Variants in CNTLN observed in about 807,000 individuals in gnomAD.
CNTLN encodes centlein, centrosomal protein.
Under a neutral mutation model 180.0 loss-of-function variants are expected in CNTLN, and 212 were observed. That is an observed-to-expected ratio of 1.18 (90% CI 1.05 to 1.32). The LOEUF (loss-of-function observed/expected upper bound fraction) is 1.32. Ranked by LOEUF, CNTLN falls within the 40% of genes most tolerant of loss-of-function variation. The pLI is 0.00. For missense variants in CNTLN, 2,095 were observed against 1,610.9 expected (o/e 1.30, Z -5.14); for synonymous variants, 722 against 563.1 (o/e 1.28, Z -3.99).
At chr9:17,374,755 G>T (rs1195047762) in intron 13 of CNTLN, among the ~76,000 whole-genome samples, 2 of 152,022 alleles carry the variant, frequency 1.3e-5, no homozygotes, top group African/African-American at 4.8e-5. Flanking sequence ...CAGTTACTTG[G>T]GAGGCTGAGA....
intron 15 of CNTLN, among the ~76,000 whole-genome samples, chr9:17,399,553 A>G (rs1383434825): frequency 6.6e-6 from 1 of 152,068 alleles, no homozygotes; most frequent in East Asian, 1.9e-4. Flanking sequence ...TGGCATTTGG[A>G]TCCTTTTAAA....
chr9:17,466,117 A>C lies in CNTLN; in HGVS notation c.3668A>C (p.Lys1223Thr), dbSNP rs754824811. The C allele has an allele frequency of 5.6e-6, 9 of 1,598,738 alleles. No individual in the cohort carries two copies. The highest frequency in any genetic ancestry group is 7.7e-6 in the Non-Finnish European group (9 of 1,170,958). Residue 1223 changes from lysine (K) to threonine (T), a missense_variant and splice_region_variant, in exon 22 of 26, where the codon AAG (lysine) becomes ACG (threonine). Transcript: ENST00000380647. The stretch of plus-strand genomic sequence containing the variant: ...AAATCTAAAGAGGAGTTAGAAAAAA[A>C]GGTATGCTTTTAAAAAGGGCATTTT... ...YQKSKEELEKKDLKLTLLVSR... is the reference protein window; with the variant it reads ...YQKSKEELEKTDLKLTLLVSR...
chr9:17,153,028 C>T (rs191772808), intron 2 of CNTLN, among the ~76,000 whole-genome samples: 2 of 152,214 alleles, frequency 1.3e-5, no homozygotes, highest in East Asian at 3.9e-4. Flanking sequence ...TCTTCCATCC[C>T]TGTATTTTGA....
At position 17,246,278 on chromosome 9, in the gene CNTLN, A is replaced by C. The variant is rs73646765; in HGVS notation, c.849+9690A>C. On this transcript the variant is annotated intron_variant, in intron 5 of 25. Coordinates refer to ENST00000380647, the MANE Select transcript of CNTLN (RefSeq NM_017738.4). ...ATTAGAGGGCACCGTAAGCCCCGTA[A>C]CACTGTGCCTCTTGTAGACTCATAG... is the stretch of plus-strand genomic sequence containing the variant. Among the ~76,000 whole-genome samples the C allele has an allele frequency of 4.7e-3, 718 of 152,270 alleles. 9 individuals are homozygous for C. Among genetic ancestry groups the C allele is most frequent in the African/African-American group, 0.016 (685 of 41,562 alleles).
intron 2 of CNTLN, among the ~76,000 whole-genome samples, chr9:17,173,777 A>T (rs976393016): frequency 5.3e-5 from 8 of 152,180 alleles, no homozygotes; most frequent in African/African-American, 1.9e-4. Flanking sequence ...TAAAAATTAA[A>T]CTTTTCATTT....
At chr9:17,253,274 A>G (rs1212284778) in intron 5 of CNTLN, among the ~76,000 whole-genome samples, 1 of 151,700 alleles carries the variant, frequency 6.6e-6, no homozygotes, top group African/African-American at 2.4e-5. Flanking sequence ...TTCCATATCA[A>G]TTTTAGAATT....
intron 12 of CNTLN, among the ~76,000 whole-genome samples, chr9:17,356,434 T>C (rs757591686): frequency 6.6e-6 from 1 of 152,208 alleles, no homozygotes; most frequent in Non-Finnish European, 1.5e-5. Flanking sequence ...TGGTCAATTA[T>C]ATTCCTCTTT....
intron 2 of CNTLN, among the ~76,000 whole-genome samples, chr9:17,169,246 C>CCT (rs561130667): frequency 9.2e-4 from 140 of 152,178 alleles, no homozygotes; most frequent in Non-Finnish European, 5.7e-4. Context: ...CATCCTCTTG[C>CCT]CTCAGCCTTA....
chr9:17,250,481 C>T (rs191117394), intron 5 of CNTLN, among the ~76,000 whole-genome samples: 142 of 151,826 alleles, frequency 9.4e-4, no homozygotes, highest in Non-Finnish European at 1.5e-3. Flanking sequence ...TGACACATTT[C>T]GATTTTGTTT....
chr9:17,416,862 A>G (rs1828292577), intron 18 of CNTLN, among the ~76,000 whole-genome samples: 1 of 151,890 alleles, frequency 6.6e-6, no homozygotes, highest in Non-Finnish European at 1.5e-5. Flanking sequence ...TTGTTAGAAA[A>G]TTATTTTGCA....
chr9:17,296,664 C>T (rs914997051), intron 6 of CNTLN, among the ~76,000 whole-genome samples: 5 of 151,942 alleles, frequency 3.3e-5, no homozygotes, highest in Admixed American at 6.6e-5. Context: ...GGTCTTTTTT[C>T]CCCTCCTCTT....
intron 25 of CNTLN, among the ~76,000 whole-genome samples, chr9:17,489,061 G>C (rs1300224599): frequency 1.1e-4 from 17 of 151,986 alleles, no homozygotes; most frequent in Admixed American, 1.1e-3. Context: ...AGAACAAATA[G>C]GTACTTCATT....
Position 17,487,051 on chromosome 9 carries a change from A to G in CNTLN, c.4104A>G (p.Lys1368=), listed in dbSNP as rs1416056696. 1.2e-6 allele frequency: 2 copies of G among 1,604,310 alleles called. No homozygotes were observed. Among genetic ancestry groups the G allele is most frequent in the East Asian group, 2.2e-5 (1 of 44,648 alleles). The change falls in exon 25 of 26, where the codon AAA becomes AAG. Residue 1368 remains lysine, a synonymous_variant. Coordinates refer to ENST00000380647, the MANE Select transcript of CNTLN (RefSeq NM_017738.4). ...NDKEWMLYIQ[K]LLEGQLPFAS... Reference sequence around the variant, plus strand: ...AGGAATGGATGTTGTACATTCAGAAACTTCTTGAAGGACAGGTATTTCATT... The same window carrying G: ...AGGAATGGATGTTGTACATTCAGAAGCTTCTTGAAGGACAGGTATTTCATT...
chr9:17,457,872 G>C (rs936335629), intron 19 of CNTLN, among the ~76,000 whole-genome samples, 157 bp downstream of exon 19: 5 of 151,682 alleles, frequency 3.3e-5, no homozygotes, highest in African/African-American at 1.2e-4. Flanking sequence ...TTTTAGCCTG[G>C]TAGATTCTTA....
At chr9:17,268,457 G>A (rs987423102) in intron 5 of CNTLN, among the ~76,000 whole-genome samples, 1 of 152,166 alleles carries the variant, frequency 6.6e-6, no homozygotes, top group Admixed American at 6.5e-5. Flanking sequence ...CCTACTGGGG[G>A]GTGCCTCCCA....
intron 15 of CNTLN, among the ~76,000 whole-genome samples, chr9:17,401,924 T>TA (rs1554712138): frequency 6.6e-6 from 1 of 151,372 alleles, no homozygotes; most frequent in Non-Finnish European, 1.5e-5. Flanking sequence ...AAAGGACTAA[T>TA]ATCCAGAAGA....
chr9:17,211,802 A>T (rs375354302), intron 2 of CNTLN, among the ~76,000 whole-genome samples: 1 of 151,950 alleles, frequency 6.6e-6, no homozygotes, highest in Non-Finnish European at 1.5e-5. Context: ...TAGGTATTTT[A>T]TTCTCTTTGA....
At position 17,394,913 on chromosome 9, in the gene CNTLN, A is replaced by G. The variant is rs770567030; in HGVS notation, c.2459A>G (p.Asp820Gly). The change falls in exon 15 of 26, where the codon GAT (aspartate) becomes GGT (glycine). Residue 820 changes from aspartate to glycine, a missense_variant. Coordinates refer to ENST00000380647, the MANE Select transcript of CNTLN (RefSeq NM_017738.4). ...ATGAAAGTGAGATCTGGACGATATG[A>G]TTGTAAGACAACTATGACCAAGGTT... ...ATMKVRSGRY[D>G]CKTTMTKVKF... The G allele has an allele frequency of 1.2e-6, 2 of 1,613,992 alleles. No homozygotes were observed. Among genetic ancestry groups the G allele is most frequent in the Non-Finnish European group, 1.7e-6 (2 of 1,179,990 alleles).
intron 6 of CNTLN, among the ~76,000 whole-genome samples, chr9:17,278,746 A>G (rs992195766): frequency 2.1e-4 from 32 of 152,194 alleles, no homozygotes; most frequent in Admixed American, 2.1e-3. Context: ...CAGTACAGAA[A>G]AGTACAAAGA....
Sources: allele counts gnomAD v4.1 joint callset (sites outside exome capture counted in the v4.1 genomes callset), GRCh38; gene constraint gnomAD v4.1.1; transcripts MANE v1.5; gene names NCBI Gene and HGNC (gene_info 2026-07-23, HGNC 2026-07-21).